The following GPR137B variants were observed in gnomAD, a reference collection of about 807,000 sequenced individuals.
GPR137B encodes G protein-coupled receptor 137B, also known as integral membrane protein GPR137B.
GPR137B carries 42 observed loss-of-function variants against 42.5 expected under a neutral mutation model. That is an observed-to-expected ratio of 0.99 (90% CI 0.77 to 1.28). GPR137B has a LOEUF of 1.28. GPR137B is among the 50% of genes most tolerant of loss of function. The probability of loss-of-function intolerance (pLI) is 0.00; values close to 1 mark genes in which losing one functional copy is unlikely to be tolerated. For synonymous variants in GPR137B, 218 were observed against 209.7 expected, an observed-to-expected ratio of 1.04 and a Z score of -0.34; for missense variants, 487 against 493.9, an observed-to-expected ratio of 0.99 and a Z score of 0.13.
chr1:236,192,376 GA>G (rs767500488), intron 5 of GPR137B, among the ~76,000 whole-genome samples: 116 of 139,430 alleles, frequency 8.3e-4, no homozygotes, highest in African/African-American at 1.4e-3. Context: ...GGGGTATGGG[GA>G]AAAAAAAAAA....
chr1:236,208,880 C>G lies in GPR137B; in HGVS notation c.*722C>G. On this transcript the variant is annotated 3_prime_UTR_variant, in exon 7 of 7. Transcript: ENST00000366592. ...ACATTAAAAATGTAGCTGACTTATC[C>G]TATTAAACCTCCTCTGCTATGTTCA... is the stretch of plus-strand genomic sequence containing the variant. The G allele has an allele frequency of 2.0e-6, 2 of 983,786 alleles. No homozygotes were observed. Among genetic ancestry groups the G allele is most frequent in the Non-Finnish European group, 2.4e-6 (2 of 828,624 alleles). 60.9% of individuals were successfully genotyped at this position (983,786 alleles called of 1,614,324 possible).
chr1:236,194,436 A>T (rs1342230509), intron 5 of GPR137B, among the ~76,000 whole-genome samples: 1 of 152,182 alleles, frequency 6.6e-6, no homozygotes, highest in African/African-American at 2.4e-5. Flanking sequence ...TTTTAAGGCA[A>T]TCCACCTTGT....
chr1:236,176,170 T>A (rs552945005), intron 2 of GPR137B, among the ~76,000 whole-genome samples: 48 of 152,102 alleles, frequency 3.2e-4, no homozygotes, highest in South Asian at 2.9e-3. Flanking sequence ...GCCTGTGACA[T>A]GAGAGAGTGA....
chr1:236,176,594 C>T (rs554813328), intron 2 of GPR137B, among the ~76,000 whole-genome samples: 20 of 152,310 alleles, frequency 1.3e-4, no homozygotes, highest in Middle Eastern at 3.4e-3. Flanking sequence ...CAGTCCTTTC[C>T]GCCTCCCCAG....
At chr1:236,196,846 C>T (rs1448786118) in intron 5 of GPR137B, among the ~76,000 whole-genome samples, 6 of 151,858 alleles carry the variant, frequency 4.0e-5, no homozygotes, top group Non-Finnish European at 8.8e-5. Context: ...TTTCTTTATC[C>T]ACTAGTTGGT....
chr1:236,161,607 C>T (rs1033678100), intron 1 of GPR137B, among the ~76,000 whole-genome samples: 2 of 151,944 alleles, frequency 1.3e-5, no homozygotes, highest in Admixed American at 1.3e-4. Context: ...ATTGTATCTC[C>T]CAGAATTTCC....
intron 5 of GPR137B, among the ~76,000 whole-genome samples, chr1:236,185,536 A>G (rs1278490645): frequency 2.0e-5 from 3 of 152,170 alleles, no homozygotes; most frequent in Non-Finnish European, 4.4e-5. Flanking sequence ...AATGAACTGT[A>G]AAGTTTGAGA....
At chr1:236,146,504 A>G (rs6428945) in intron 1 of GPR137B, among the ~76,000 whole-genome samples, 82,661 of 151,810 alleles carry the variant, frequency 0.54, 22,973 homozygotes, top group East Asian at 0.78. Context: ...GTGCTTTTGC[A>G]GGGTCCCTGT....
At position 236,163,608 on chromosome 1, in the gene GPR137B, A is replaced by G. The variant is rs534507555; in HGVS notation, c.415-5098A>G. Among the ~76,000 whole-genome samples the G allele has an allele frequency of 1.1e-4, 16 of 152,226 alleles. No individual in the cohort carries two copies. The East Asian group carries it at 2.9e-3, about 28-fold the overall frequency. On this transcript the variant is annotated intron_variant, in intron 1 of 6. Coordinates refer to ENST00000366592, the MANE Select transcript of GPR137B (RefSeq NM_003272.4). The stretch of plus-strand genomic sequence containing the variant: ...CGGTCTTTCTTGTACTATTCTTGTG[A>G]TAGTGAATAAGTCTCAGGAGATCTG...
chr1:236,189,987 C>G (rs1663141001), intron 5 of GPR137B, among the ~76,000 whole-genome samples: 1 of 152,074 alleles, frequency 6.6e-6, no homozygotes, highest in Admixed American at 6.6e-5. Flanking sequence ...CTTTATGAAT[C>G]TGGGTGCTCC....
At chr1:236,168,236 G>C (rs2102903158) in intron 1 of GPR137B, among the ~76,000 whole-genome samples, 1 of 152,180 alleles carries the variant, frequency 6.6e-6, no homozygotes, top group East Asian at 1.9e-4. Context: ...AGACCAGCCT[G>C]GCCAACATGG....
In GPR137B at chr1:236,156,074, T is replaced by C. The variant is rs75758152; in HGVS notation, c.415-12632T>C. ...CATGCAGCGGAGCTCTCAGGAGGGC[T>C]GGAGAAGGCTGCAAACACATCCAGG... On this transcript the variant is annotated intron_variant, in intron 1 of 6. Coordinates refer to ENST00000366592, the MANE Select transcript of GPR137B (RefSeq NM_003272.4). This position sits in a 1 kb window ranked among gnomAD's most constrained non-coding sequence, Gnocchi z 4.8. Among the ~76,000 whole-genome samples the C allele has an allele frequency of 0.04, 6,165 of 152,288 alleles. 278 individuals are homozygous for C. Among genetic ancestry groups the C allele is most frequent in the East Asian group, 0.18 (954 of 5,176 alleles).
intron 5 of GPR137B, among the ~76,000 whole-genome samples, chr1:236,203,779 CTT>C (rs1264216677): frequency 2.0e-5 from 3 of 152,124 alleles, no homozygotes; most frequent in African/African-American, 7.2e-5. Flanking sequence ...AGTGGGATTA[CTT>C]TTTGTTTCTT....
intron 5 of GPR137B, among the ~76,000 whole-genome samples, chr1:236,186,751 G>C (rs1253942710): frequency 6.6e-6 from 1 of 152,068 alleles, no homozygotes; most frequent in East Asian, 1.9e-4. Flanking sequence ...TGGACATTTG[G>C]GTTGGTTCCA....
chr1:236,195,579 A>C (rs1224521895), intron 5 of GPR137B, among the ~76,000 whole-genome samples: 1 of 152,172 alleles, frequency 6.6e-6, no homozygotes, highest in African/African-American at 2.4e-5. Flanking sequence ...AGGATTGCAG[A>C]TATCTCTTCA....
At chr1:236,151,980 G>C (rs1199542634) in intron 1 of GPR137B, among the ~76,000 whole-genome samples, 1 of 152,106 alleles carries the variant, frequency 6.6e-6, no homozygotes, top group African/African-American at 2.4e-5. Flanking sequence ...GAAGTGGGCA[G>C]GGTGTGAGCA....
rs1420809589 is a variant in GPR137B at position 236,143,902 on chromosome 1, CCGCCGTCAT to C, written c.414+868_414+876del. 3.3e-5 allele frequency among the ~76,000 whole-genome samples: 5 copies of C among 152,274 alleles called. No homozygotes were observed. The East Asian group carries it at 5.8e-4, about 18-fold the overall frequency. Reference sequence around the variant, plus strand: ...TGCACAAAGGTTTAATAACGCGGTGCCGCCGTCATCATCGTCATCATCATCTCTGATTCC... The same window carrying C: ...TGCACAAAGGTTTAATAACGCGGTGCCATCGTCATCATCATCTCTGATTCC... On this transcript the variant is annotated intron_variant, in intron 1 of 6. Transcript: ENST00000366592.
chr1:236,207,606 G>A (rs565585716), intron 6 of GPR137B, among the ~76,000 whole-genome samples: 8 of 152,282 alleles, frequency 5.3e-5, no homozygotes, highest in African/African-American at 1.9e-4. Context: ...ATTAGACACT[G>A]TTCTAAGCAC....
At chr1:236,178,785 GTTTTTTTT>G (rs3082534) in intron 3 of GPR137B, 149 bp downstream of exon 3, 167 of 49,496 alleles carry the variant, frequency 3.4e-3, no homozygotes, top group Middle Eastern at 0.014. Flanking sequence ...GCTACTCGAG[GTTTTTTTT>G]TTTTTTTTTT....
Sources: allele counts gnomAD v4.1 joint callset (sites outside exome capture counted in the v4.1 genomes callset), GRCh38; gene constraint gnomAD v4.1.1; non-coding constraint Gnocchi (gnomAD v3.1); transcripts MANE v1.5; gene names NCBI Gene and HGNC (gene_info 2026-07-23, HGNC 2026-07-21).